AP3S1: variants seen among roughly 807,000 people sequenced by gnomAD.
AP3S1 encodes the protein AP-3 complex subunit sigma-1.
A neutral mutation model predicts 21.3 loss-of-function variants in AP3S1; 12 were observed. That is an observed-to-expected ratio of 0.56 (90% CI 0.36 to 0.91). The LOEUF is 0.91. AP3S1 is among the 40% of genes least tolerant of loss of function. The pLI, the probability that AP3S1 is intolerant of heterozygous loss-of-function variation, is 0.01. For synonymous variants in AP3S1, 48 were observed against 78.4 expected (o/e 0.61, Z 2.05); for missense variants, 116 against 225.0 (o/e 0.52, Z 3.10).
chr5:115,884,652 A>G (rs896691894), intron 3 of AP3S1, among the ~76,000 whole-genome samples: 3 of 152,250 alleles, frequency 2.0e-5, no homozygotes, highest in Admixed American at 6.5e-5. Context: ...TAGTCTGTTA[A>G]GTATTCTTAC....
At chr5:115,867,286 TG>T (rs1763713490) in intron 2 of AP3S1, among the ~76,000 whole-genome samples, 1 of 152,182 alleles carries the variant, frequency 6.6e-6, no homozygotes, top group African/African-American at 2.4e-5. Context: ...TATTCCTTTT[TG>T]TGAATGTTCA....
intron 3 of AP3S1, among the ~76,000 whole-genome samples, chr5:115,891,855 G>A (rs1750335469): frequency 1.3e-5 from 2 of 152,196 alleles, no homozygotes; most frequent in South Asian, 4.1e-4. Context: ...AGCTGCCCAA[G>A]GCCGTGGGAG....
chr5:115,890,843 C>G (rs538073663), intron 3 of AP3S1, among the ~76,000 whole-genome samples: 1 of 152,330 alleles, frequency 6.6e-6, no homozygotes, highest in East Asian at 1.9e-4. Flanking sequence ...TTTCTTTAAG[C>G]AGATGTGCCC....
chr5:115,865,874 C>G (rs974469732), intron 1 of AP3S1, among the ~76,000 whole-genome samples: 18 of 152,344 alleles, frequency 1.2e-4, no homozygotes, highest in Non-Finnish European at 1.6e-4. Context: ...TCTCAGCTCA[C>G]TGTAATCTCT....
intron 3 of AP3S1, among the ~76,000 whole-genome samples, chr5:115,888,369 G>T (rs1470705244): frequency 6.6e-6 from 1 of 151,824 alleles, no homozygotes; most frequent in Non-Finnish European, 1.5e-5. Flanking sequence ...CAGATTGTCA[G>T]TTATTTGTTT....
intron 1 of AP3S1, among the ~76,000 whole-genome samples, chr5:115,863,529 C>G (rs1763361097): frequency 6.6e-6 from 1 of 152,096 alleles, no homozygotes; most frequent in African/African-American, 2.4e-5. Flanking sequence ...CAAAATTGCA[C>G]CACTGCACTC....
intron 5 of AP3S1, 152 bp from the exon 6 acceptor site, chr5:115,913,210 A>C: frequency 1.6e-6 from 1 of 609,286 alleles, no homozygotes; most frequent in South Asian, 4.6e-5. Context: ...TAGTATTTCA[A>C]AGTAACCATT....
At chr5:115,847,670 A>T (rs889438233) in intron 1 of AP3S1, among the ~76,000 whole-genome samples, 3 of 152,224 alleles carry the variant, frequency 2.0e-5, no homozygotes, top group African/African-American at 7.2e-5. Context: ...ACAAAAAAAA[A>T]TTACATATAT....
At chr5:115,864,857 C>T (rs748089021) in intron 1 of AP3S1, among the ~76,000 whole-genome samples, 6 of 152,142 alleles carry the variant, frequency 3.9e-5, no homozygotes, top group Admixed American at 3.3e-4. Context: ...GAAGAAGCAG[C>T]GCCAGAAAAC....
At chr5:115,878,573 A>C (rs1748967204) in intron 3 of AP3S1, among the ~76,000 whole-genome samples, 1 of 152,200 alleles carries the variant, frequency 6.6e-6, no homozygotes, top group South Asian at 2.1e-4. Flanking sequence ...TTTTGGCACC[A>C]GTACCATGCT....
intron 1 of AP3S1, among the ~76,000 whole-genome samples, chr5:115,845,836 C>CAAAAAAAAAAAAAAAAAAAA (rs755171274): frequency 2.9e-5 from 1 of 34,432 alleles, no homozygotes; most frequent in Non-Finnish European, 5.6e-5. Context: ...GACTCCATCT[C>CAAAAAAAAAAAAAAAAAAAA]AAAAAAAAAA....
intron 3 of AP3S1, among the ~76,000 whole-genome samples, chr5:115,886,243 T>G (rs1749770309): frequency 6.6e-6 from 1 of 152,170 alleles, no homozygotes; most frequent in Non-Finnish European, 1.5e-5. Context: ...TGTGTAGAGT[T>G]GACTCTTGAA....
rs977456571 is a variant in AP3S1, at chr5:115,907,548, C to T, written c.453+4556C>T. ...TGACTGTATTTCAAACTAGAATGCT[C>T]GAAAAATGGAATTACCAAATTACCA... On this transcript the variant is annotated intron_variant, in intron 5 of 5. Transcript: ENST00000316788. Among the ~76,000 whole-genome samples, 9 of 151,962 alleles carry T rather than the reference C, an allele frequency of 5.9e-5. 1 individual carries two copies. Among genetic ancestry groups the T allele is most frequent in the Admixed American group, 4.6e-4 (7 of 15,268 alleles).
In AP3S1 at chr5:115,842,209, C is replaced by G. The variant is rs1761632660; in HGVS notation, c.69+103C>G. 2.0e-5 allele frequency: 28 copies of G among 1,433,402 alleles called. No individual in the cohort carries two copies. In the South Asian group the frequency reaches 3.5e-4, roughly 18 times the overall value. The allele number at this position is 1,433,402 out of a possible 1,614,324, so 88.8% of individuals were successfully genotyped here. ...GCGACCCCCTCCGGCGCGCTGCGGC[C>G]CTTGTCCCGTCCCGGCCGCCTGGCG... On this transcript the variant is annotated intron_variant, in intron 1 of 5. Transcript: ENST00000316788.
At position 115,854,941 on chromosome 5, in the gene AP3S1, C is replaced by G. The variant is rs1013709223; in HGVS notation, c.70-11729C>G. Among the ~76,000 whole-genome samples the G allele has an allele frequency of 2.0e-5, 3 of 152,138 alleles. No homozygotes were observed. The East Asian group carries it at 5.8e-4, about 29-fold the overall frequency. ...TTTGTACTACTCTTATGTCAGAAAT[C>G]GCCCTCTACCTTTTATTATAAAGTT... On this transcript the variant is annotated intron_variant, in intron 1 of 5. Transcript: ENST00000316788.
intron 5 of AP3S1, 115 bp from the exon 6 acceptor site, chr5:115,913,247 T>C: frequency 2.3e-6 from 2 of 858,978 alleles, no homozygotes; most frequent in Non-Finnish European, 3.1e-6. Flanking sequence ...TACCATCTGG[T>C]CCCTAAGCTT....
chr5:115,858,478 A>G (rs1762945976), intron 1 of AP3S1, among the ~76,000 whole-genome samples: 1 of 152,118 alleles, frequency 6.6e-6, no homozygotes. Flanking sequence ...CTACAGTTTC[A>G]CAGACCCTTG....
rs531031270 is a variant in AP3S1, at chr5:115,849,874, A to G, written c.69+7768A>G. ...GGAGTTGAGGCTATGCTAGGCAACC[A>G]TAGCAGGGCCCCTGTCTTCTAAAAA... On this transcript the variant is annotated intron_variant, in intron 1 of 5. Coordinates refer to ENST00000316788, the MANE Select transcript of AP3S1 (RefSeq NM_001284.4). Among the ~76,000 whole-genome samples the G allele has an allele frequency of 7.0e-4, 106 of 152,140 alleles. 2 individuals carry two copies. The highest frequency in any genetic ancestry group is 2.1e-3 in the African/African-American group (89 of 41,524).
chr5:115,878,983 A>G (rs571334082), intron 3 of AP3S1, among the ~76,000 whole-genome samples: 1 of 152,066 alleles, frequency 6.6e-6, no homozygotes, highest in Non-Finnish European at 1.5e-5. Context: ...TTCACTCCTA[A>G]TTTGGCTCTC....
Sources: allele counts gnomAD v4.1 joint callset (sites outside exome capture counted in the v4.1 genomes callset), GRCh38; gene constraint gnomAD v4.1.1; transcripts MANE v1.5; gene names NCBI Gene and HGNC (gene_info 2026-07-23, HGNC 2026-07-21).